Variants in BAG4 observed in about 807,000 individuals in gnomAD.
The protein encoded by BAG4 is BAG family molecular chaperone regulator 4.
BAG4 carries 28 observed loss-of-function variants against 52.1 expected under a neutral mutation model. The ratio of observed to expected loss-of-function variants is 0.54; its 90% CI spans 0.40 to 0.74. The LOEUF (loss-of-function observed/expected upper bound fraction) is 0.74. BAG4 is among the 30% of genes least tolerant of loss of function. BAG4 has a pLI of 0.00. For missense variants in BAG4, 525 were observed against 572.0 expected (o/e 0.92, Z 0.84); for synonymous variants, 208 against 217.0 (o/e 0.96, Z 0.37).
chr8:38,208,972 G>C, intron 3 of BAG4, 41 bp from the exon 4 acceptor site: 1 of 1,581,238 alleles, frequency 6.3e-7, no homozygotes, highest in Non-Finnish European at 8.6e-7. Context: ...TTTATTATAA[G>C]TTTTTCACAA....
intron 1 of BAG4, among the ~76,000 whole-genome samples, chr8:38,179,514 C>T (rs760973510): frequency 6.6e-6 from 1 of 151,562 alleles, no homozygotes; most frequent in African/African-American, 2.4e-5. Flanking sequence ...GCCTGTAATC[C>T]CAGCACTTTG....
intron 1 of BAG4, among the ~76,000 whole-genome samples, chr8:38,190,663 C>G (rs1326047021): frequency 1.3e-5 from 2 of 151,322 alleles, no homozygotes; most frequent in Non-Finnish European, 2.9e-5. Context: ...TCTTGAACTC[C>G]TGGTCTCTGG....
chr8:38,192,743 C>A lies in BAG4; in HGVS notation c.326C>A (p.Ser109Tyr), dbSNP rs1275440435. 2 of 1,613,618 alleles carry A rather than the reference C, an allele frequency of 1.2e-6. No individual in the cohort carries two copies. The highest frequency in any genetic ancestry group is 1.7e-6 in the Non-Finnish European group (2 of 1,179,898). Residue 109 changes from serine (S) to tyrosine (Y), a missense_variant, in exon 2 of 5, where the codon TCT becomes TAT. This residue lies in a region of BAG4 where 287 missense variants were observed against 266.1 expected (regional missense o/e 1.08). Transcript: ENST00000287322. ...AACTATTGGAATTCTACTGCGAGATCTAGGGCTCCTTACCCAAGTACATAT... is the reference window on the plus strand; with the variant it reads ...AACTATTGGAATTCTACTGCGAGATATAGGGCTCCTTACCCAAGTACATAT... The part of the protein sequence containing the change: ...NSNYWNSTAR[S>Y]RAPYPSTYPV...
intron 2 of BAG4, among the ~76,000 whole-genome samples, chr8:38,200,014 T>C (rs1293279847): frequency 3.3e-5 from 5 of 151,878 alleles, no homozygotes; most frequent in African/African-American, 1.2e-4. Context: ...ACCCCCTTTT[T>C]TTTTTTTTTG....
intron 2 of BAG4, among the ~76,000 whole-genome samples, chr8:38,196,859 T>C (rs1803570202): frequency 6.6e-6 from 1 of 151,872 alleles, no homozygotes; most frequent in South Asian, 2.1e-4. Flanking sequence ...GGCAGATCAC[T>C]TGAGGTATGG....
chr8:38,186,032 C>T (rs940733035), intron 1 of BAG4, among the ~76,000 whole-genome samples: 1 of 152,144 alleles, frequency 6.6e-6, no homozygotes, highest in Non-Finnish European at 1.5e-5. Flanking sequence ...TGTATTCCAC[C>T]TCATAGCCTC....
chr8:38,197,643 A>C (rs1011308231), intron 2 of BAG4, among the ~76,000 whole-genome samples: 3 of 152,192 alleles, frequency 2.0e-5, no homozygotes, highest in Non-Finnish European at 4.4e-5. Flanking sequence ...ATAAATTTGT[A>C]TAACAATTCT....
At chr8:38,190,853 G>A (rs1291254979) in intron 1 of BAG4, among the ~76,000 whole-genome samples, 1 of 151,502 alleles carries the variant, frequency 6.6e-6, no homozygotes, top group African/African-American at 2.4e-5. Context: ...TGTCTCCTGG[G>A]TTCAAGCTAT....
At chr8:38,198,565 T>C (rs1269819115) in intron 2 of BAG4, among the ~76,000 whole-genome samples, 1 of 149,542 alleles carries the variant, frequency 6.7e-6, no homozygotes, top group East Asian at 2.0e-4. Flanking sequence ...CTCGGCTTAC[T>C]GCGACCTCCG....
intron 2 of BAG4, among the ~76,000 whole-genome samples, chr8:38,200,162 C>T (rs1803636552): frequency 6.6e-6 from 1 of 151,928 alleles, no homozygotes; most frequent in African/African-American, 2.4e-5. Flanking sequence ...TGCCACCATG[C>T]CGGGCTAATT....
intron 2 of BAG4, among the ~76,000 whole-genome samples, chr8:38,199,609 C>T (rs1192259635): frequency 6.6e-6 from 1 of 151,690 alleles, no homozygotes; most frequent in Non-Finnish European, 1.5e-5. Context: ...CTACAAGCTC[C>T]ACATCCCAGG....
rs1803792803 is a variant in BAG4 at position 38,207,595 on chromosome 8, T to C, written c.462T>C (p.Ala154=). 3 of 1,613,912 alleles carry C rather than the reference T, an allele frequency of 1.9e-6. No homozygotes were observed. The highest frequency in any genetic ancestry group is 2.5e-6 in the Non-Finnish European group (3 of 1,179,820). The part of the protein sequence containing the change: ...PGANTASYSG[A]YYAPGYTQTS... Reference sequence around the variant, plus strand: ...CAAATACTGCCTCATACTCAGGGGCTTATTATGCACCTGGTTATACTCAGA... The same window carrying C: ...CAAATACTGCCTCATACTCAGGGGCCTATTATGCACCTGGTTATACTCAGA... The change falls in exon 3 of 5, where the codon GCT becomes GCC. Residue 154 remains alanine (A), a synonymous_variant. Coordinates refer to ENST00000287322, the MANE Select transcript of BAG4 (RefSeq NM_004874.4).
intron 1 of BAG4, among the ~76,000 whole-genome samples, chr8:38,180,941 A>AT (rs56111009): frequency 0.23 from 31,349 of 138,302 alleles, 3,733 homozygotes; most frequent in East Asian, 0.31. Flanking sequence ...ATCTATCACT[A>AT]TTTTTTTTTT....
chr8:38,188,148 T>C (rs1803399230), intron 1 of BAG4, among the ~76,000 whole-genome samples: 1 of 140,380 alleles, frequency 7.1e-6, no homozygotes, highest in Non-Finnish European at 1.5e-5. Context: ...CATTTGAAAA[T>C]ATTCACTTAA....
intron 2 of BAG4, among the ~76,000 whole-genome samples, chr8:38,195,213 T>C (rs936196879): frequency 3.3e-5 from 5 of 152,086 alleles, no homozygotes; most frequent in African/African-American, 1.2e-4. Flanking sequence ...TATGGTGGCA[T>C]GATGACAGCT....
chr8:38,208,880 T>C, intron 3 of BAG4, 133 bp from the exon 4 acceptor site: 1 of 1,129,212 alleles, frequency 8.9e-7, no homozygotes. Flanking sequence ...TTAGATTTAC[T>C]ACAGTTTAGT....
Position 38,209,156 on chromosome 8 carries a change from A to G in BAG4, c.777A>G (p.Ser259=). The G allele has an allele frequency of 1.2e-6, 2 of 1,614,156 alleles. No individual in the cohort carries two copies. The highest frequency in any genetic ancestry group is 1.7e-6 in the Non-Finnish European group (2 of 1,180,040). ...YGMGGRYPWP[S]SAPSAPPGNL... ...TGGGTGGCCGTTATCCCTGGCCTTC[A>G]TCAGCGCCCTCAGCACCACCCGGCA... The change falls in exon 4 of 5, where the codon TCA becomes TCG. Residue 259 remains serine (S), a synonymous_variant. Coordinates refer to ENST00000287322, the MANE Select transcript of BAG4 (RefSeq NM_004874.4).
At chr8:38,183,403 C>T (rs1803307921) in intron 1 of BAG4, among the ~76,000 whole-genome samples, 1 of 152,042 alleles carries the variant, frequency 6.6e-6, no homozygotes. Flanking sequence ...GGCTATTTCC[C>T]AGAACTTCTC....
At chr8:38,177,229 A>G in intron 1 of BAG4, 90 bp downstream of exon 1, 1 of 1,529,280 alleles carries the variant, frequency 6.5e-7, no homozygotes, top group South Asian at 1.2e-5. Flanking sequence ...TGTTTTCCTT[A>G]TGTGGAGGAG....
Sources: gnomAD v4.1 joint callset for allele counts (sites outside exome capture counted in the v4.1 genomes callset) on GRCh38, gnomAD v4.1.1 for gene constraint, gnomAD v4.1.1 regional missense constraint, MANE v1.5 for transcripts, NCBI Gene and HGNC (gene_info 2026-07-23, HGNC 2026-07-21) for gene names.